OR2T2: variants seen among roughly 807,000 people sequenced by gnomAD.
The protein encoded by OR2T2 is olfactory receptor family 2 subfamily T member 2, also known as olfactory receptor 2T2.
For synonymous variants in OR2T2, 50 were observed against 162.7 expected (o/e 0.31, Z 5.27); for missense variants, 138 against 409.1 (o/e 0.34, Z 5.72).
At chr1:248,453,166 C>T (rs1558341400) in exon 3 of OR2T2, 2 of 1,612,220 alleles carry the variant, frequency 1.2e-6, no homozygotes, top group Admixed American at 1.7e-5. Flanking sequence ...CCTATGACCG[C>T]TATGTGGCTG....
At chr1:248,455,102 C>T (rs1662905003) in exon 3 of OR2T2, 1 of 151,232 alleles carries the variant, frequency 6.6e-6, no homozygotes, top group Admixed American at 6.6e-5. Flanking sequence ...ACTGACCCCA[C>T]CATTCATGTA....
chr1:248,447,262 A>G (rs1662686111), intron 2 of OR2T2, among the ~76,000 whole-genome samples: 1 of 151,076 alleles, frequency 6.6e-6, no homozygotes. Flanking sequence ...GTAGAAGAAG[A>G]AAAGGAGTTC....
intron 2 of OR2T2, among the ~76,000 whole-genome samples, 176 bp from the exon 4 acceptor site, chr1:248,452,600 A>G (rs1572911399): frequency 1.5e-5 from 2 of 135,144 alleles, no homozygotes; most frequent in East Asian, 4.8e-4. Flanking sequence ...AATTGAGTTG[A>G]GATTAATTTT....
chr1:248,447,964 G>C (rs1662706098), intron 2 of OR2T2, among the ~76,000 whole-genome samples: 3 of 152,260 alleles, frequency 2.0e-5, no homozygotes, highest in Admixed American at 2.0e-4. Context: ...TAGTGTGGTG[G>C]AAATATCATC....
At chr1:248,453,968 C>T in exon 3 of OR2T2, 1 of 614,470 alleles carries the variant, frequency 1.6e-6, no homozygotes, top group Admixed American at 3.0e-5. Flanking sequence ...TCACTTTCAG[C>T]AATTCAAAAT....
At chr1:248,446,553 C>T (rs1199696792) in intron 1 of OR2T2, 36 bp from the exon 2 acceptor site, 2 of 146,582 alleles carry the variant, frequency 1.4e-5, no homozygotes, top group African/African-American at 2.8e-5. Flanking sequence ...CCTGTGTAAT[C>T]CTCCATTCCC....
chr1:248,446,764 C>T (rs1406048294), exon 2 of OR2T2: 1 of 148,892 alleles, frequency 6.7e-6, no homozygotes, highest in Non-Finnish European at 1.5e-5. Context: ...ACCAGATGTA[C>T]TTCTTTCTTT....
At chr1:248,453,870 C>A in exon 3 of OR2T2, 1 of 1,487,266 alleles carries the variant, frequency 6.7e-7, no homozygotes, top group Non-Finnish European at 9.2e-7. Context: ...GAAGGACTAG[C>A]AAGGACTAGC....
At chr1:248,452,098 CTG>C (rs1662814115) in intron 2 of OR2T2, among the ~76,000 whole-genome samples, 2 of 12,048 alleles carry the variant, frequency 1.7e-4, no homozygotes, top group Non-Finnish European at 2.9e-4. Context: ...CCAAATTATT[CTG>C]TGAGAACAAA....
chr1:248,446,434 A>G (rs2000037), intron 1 of OR2T2, among the ~76,000 whole-genome samples, 155 bp from the exon 2 acceptor site: 5,669 of 141,024 alleles, frequency 0.04, 63 homozygotes, highest in East Asian at 0.16. Flanking sequence ...TCACCTCACC[A>G]CTGCTGTTCC....
At chr1:248,453,726 G>C in exon 3 of OR2T2, 1 of 1,610,514 alleles carries the variant, frequency 6.2e-7, no homozygotes. Context: ...GGGAGATGTG[G>C]TTCCTCCCAG....
chr1:248,447,129 A>G (rs1482605234), intron 2 of OR2T2, among the ~76,000 whole-genome samples: 3 of 151,974 alleles, frequency 2.0e-5, no homozygotes, highest in African/African-American at 7.3e-5. Context: ...GAAAAGAGAA[A>G]TTCACATCAT....
exon 3 of OR2T2, chr1:248,453,724 T>C (rs572988843): frequency 6.2e-7 from 1 of 1,602,808 alleles, no homozygotes; most frequent in Admixed American, 1.7e-5. Context: ...TAGGGAGATG[T>C]GGTTCCTCCC....
In OR2T2 at chr1:248,446,481, T is replaced by A. The variant is rs1662655745; in HGVS notation, c.-245-108T>A. The A allele has an allele frequency of 1.4e-5, 2 of 144,724 alleles. 1 individual carries two copies. The highest frequency in any genetic ancestry group is 3.0e-5 in the Non-Finnish European group (2 of 67,560). 9.0% of individuals were successfully genotyped at this position (144,724 alleles called of 1,614,324 possible). On this transcript the variant is annotated intron_variant, in intron 1 of 2. Transcript: ENST00000642130. ...CCATGCCCTTACTCTCCATTTCCTCTTCCACAGTATTAGTAGGGTGGACTA... is the reference window on the plus strand; with the variant it reads ...CCATGCCCTTACTCTCCATTTCCTCATCCACAGTATTAGTAGGGTGGACTA...
intron 1 of OR2T2, among the ~76,000 whole-genome samples, chr1:248,446,247 T>A (rs1278578852): frequency 7.0e-6 from 1 of 142,640 alleles, no homozygotes; most frequent in African/African-American, 2.9e-5. Flanking sequence ...TTTTTTTTAA[T>A]AAAACTATTA....
chr1:248,448,824 C>CA (rs1553319059), intron 2 of OR2T2, among the ~76,000 whole-genome samples: 5 of 74,776 alleles, frequency 6.7e-5, no homozygotes, highest in African/African-American at 2.6e-4. Flanking sequence ...ATGTTGGTGA[C>CA]ATGCCATTCT....
chr1:248,453,151 C>T (rs1438304620), exon 3 of OR2T2: 22 of 1,612,734 alleles, frequency 1.4e-5, no homozygotes, highest in Admixed American at 5.0e-5. Flanking sequence ...TGCTGGGTCT[C>T]ATGGCCTATG....
chr1:248,448,273 GAA>G (rs1435057471), intron 2 of OR2T2, among the ~76,000 whole-genome samples: 4 of 143,210 alleles, frequency 2.8e-5, no homozygotes, highest in Admixed American at 2.1e-4. Context: ...AATCATGAAG[GAA>G]AAAATTATGC....
chr1:248,449,565 C>T (rs1359016204), intron 2 of OR2T2, among the ~76,000 whole-genome samples, 173 bp downstream of exon 3: 4 of 145,820 alleles, frequency 2.7e-5, no homozygotes, highest in Non-Finnish European at 4.4e-5. Flanking sequence ...CTCACTCATC[C>T]CTCATCCATC....
Sources: allele counts gnomAD v4.1 joint callset (sites outside exome capture counted in the v4.1 genomes callset), GRCh38; gene constraint gnomAD v4.1.1; transcripts MANE v1.5; gene names NCBI Gene and HGNC (gene_info 2026-07-23, HGNC 2026-07-21).